The following ANK3 variants were observed in gnomAD, a reference collection of about 807,000 sequenced individuals.
ANK3 encodes ankyrin-3.
Under a neutral mutation model 370.9 loss-of-function variants are expected in ANK3, and 57 were observed. The observed-to-expected ratio is 0.15, with a 90% confidence interval of 0.12 to 0.19. The LOEUF (loss-of-function observed/expected upper bound fraction) is 0.19, where lower values mean the gene tolerates loss of function less well. Among genes scored for constraint, ANK3 ranks in the 10% least tolerant of loss-of-function variants. ANK3 has a pLI of 1.00. For missense variants in ANK3, 4,439 were observed against 5,302.1 expected (o/e 0.84, Z 5.06); for synonymous variants, 1,929 against 1,946.3 (o/e 0.99, Z 0.23).
At chr10:60,682,361 G>C (rs549618688) in intron 1 of ANK3, among the ~76,000 whole-genome samples, 130 of 150,282 alleles carry the variant, frequency 8.7e-4, no homozygotes, top group African/African-American at 2.9e-3. Flanking sequence ...CTTGATACCT[G>C]TTGATTTAAA....
At chr10:60,353,642 C>T (rs1328028896) in intron 1 of ANK3, among the ~76,000 whole-genome samples, 1 of 152,196 alleles carries the variant, frequency 6.6e-6, no homozygotes, top group African/African-American at 2.4e-5. Context: ...CAGAAGATAA[C>T]AGGCGCCATC....
At chr10:60,077,200 A>G (rs553881953) in intron 36 of ANK3, among the ~76,000 whole-genome samples, 2 of 152,346 alleles carry the variant, frequency 1.3e-5, no homozygotes, top group South Asian at 4.1e-4. Flanking sequence ...TTTAAACAAA[A>G]AAAACAAAGA....
intron 1 of ANK3, among the ~76,000 whole-genome samples, chr10:60,643,162 A>G (rs1211930706): frequency 1.3e-5 from 2 of 152,152 alleles, no homozygotes; most frequent in African/African-American, 2.4e-5. Flanking sequence ...TGAAGGATAC[A>G]AAGTATTGAT....
chr10:60,185,716 G>A (rs906784416), intron 17 of ANK3, among the ~76,000 whole-genome samples: 3 of 152,148 alleles, frequency 2.0e-5, no homozygotes, highest in African/African-American at 7.2e-5. Context: ...GCCCTTTTGT[G>A]TGGTTTCCTA....
At chr10:60,569,804 G>T (rs547572378) in intron 2 of ANK3, among the ~76,000 whole-genome samples, 1 of 152,082 alleles carries the variant, frequency 6.6e-6, no homozygotes, top group Non-Finnish European at 1.5e-5. Flanking sequence ...TATGGAAAAT[G>T]ATGTCACACT....
chr10:60,603,009 T>C (rs968862440), intron 2 of ANK3, among the ~76,000 whole-genome samples: 3 of 151,910 alleles, frequency 2.0e-5, no homozygotes, highest in Non-Finnish European at 4.4e-5. Context: ...AGAATGAGAG[T>C]TTAGTACATG....
At chr10:60,520,578 C>T (rs2076325658) in intron 2 of ANK3, among the ~76,000 whole-genome samples, 1 of 152,112 alleles carries the variant, frequency 6.6e-6, no homozygotes, top group South Asian at 2.1e-4. Context: ...GCTCAGTTTG[C>T]ACACAATTCC....
intron 1 of ANK3, among the ~76,000 whole-genome samples, chr10:60,711,048 C>T (rs2079697476): frequency 6.6e-6 from 1 of 152,124 alleles, no homozygotes; most frequent in Admixed American, 6.5e-5. Context: ...CAAACACATC[C>T]CAAAATAATG....
intron 1 of ANK3, among the ~76,000 whole-genome samples, chr10:60,728,247 T>C (rs749544079): frequency 9.9e-5 from 15 of 152,178 alleles, no homozygotes; most frequent in Non-Finnish European, 1.9e-4. Flanking sequence ...ACGGGAAATG[T>C]TTCCGTTCTT....
intron 1 of ANK3, among the ~76,000 whole-genome samples, chr10:60,657,055 G>A (rs759551682): frequency 1.3e-5 from 2 of 152,158 alleles, no homozygotes; most frequent in Non-Finnish European, 2.9e-5. Context: ...AGTTCCACAT[G>A]GCTGGGAAGG....
intron 23 of ANK3, among the ~76,000 whole-genome samples, chr10:60,159,936 T>A (rs1010759132): frequency 8.5e-5 from 13 of 152,090 alleles, no homozygotes; most frequent in African/African-American, 2.9e-4. Context: ...AAAAGAGCAG[T>A]TAATAGCAAT....
chr10:60,239,781 A>G (rs1456575471), intron 7 of ANK3, among the ~76,000 whole-genome samples: 1 of 152,100 alleles, frequency 6.6e-6, no homozygotes, highest in Admixed American at 6.5e-5. Flanking sequence ...AATATATGCA[A>G]AAGTAAAACG....
At chr10:60,197,900 T>A (rs989875511) in intron 14 of ANK3, among the ~76,000 whole-genome samples, 4 of 152,138 alleles carry the variant, frequency 2.6e-5, no homozygotes, top group African/African-American at 9.7e-5. Context: ...AAGACAATAA[T>A]GACACAAAAA....
intron 2 of ANK3, among the ~76,000 whole-genome samples, chr10:60,520,297 G>A (rs528759838): frequency 9.9e-5 from 15 of 152,170 alleles, no homozygotes; most frequent in Admixed American, 8.5e-4. Context: ...GGAAATCAAG[G>A]GTTGAGAAAC....
intron 1 of ANK3, among the ~76,000 whole-genome samples, chr10:60,719,887 G>A (rs946521390): frequency 1.3e-5 from 2 of 152,130 alleles, no homozygotes; most frequent in Non-Finnish European, 2.9e-5. Context: ...TTTGCTTTAT[G>A]CATGAGATCA....
At chr10:60,659,775 T>C (rs150202749) in intron 1 of ANK3, among the ~76,000 whole-genome samples, 1 of 152,072 alleles carries the variant, frequency 6.6e-6, no homozygotes, top group Non-Finnish European at 1.5e-5. Context: ...AAAAGACAAC[T>C]GGCTGCCTTC....
chr10:60,602,254 C>A (rs1252709548), intron 2 of ANK3, among the ~76,000 whole-genome samples: 1 of 152,146 alleles, frequency 6.6e-6, no homozygotes, highest in Non-Finnish European at 1.5e-5. Flanking sequence ...TGGTCACTTA[C>A]AGCCTCTTCA....
chr10:60,587,961 T>C (rs2133288658), intron 2 of ANK3, among the ~76,000 whole-genome samples: 1 of 152,096 alleles, frequency 6.6e-6, no homozygotes, highest in East Asian at 1.9e-4. Flanking sequence ...CTAAACCCAT[T>C]AGCTGAAAAT....
intron 1 of ANK3, among the ~76,000 whole-genome samples, chr10:60,721,153 C>T (rs1042992312): frequency 6.6e-6 from 1 of 152,156 alleles, no homozygotes; most frequent in African/African-American, 2.4e-5. Context: ...TGTGAAATGC[C>T]ATGACTGCAA....
Sources: gnomAD v4.1 joint callset for allele counts (sites outside exome capture counted in the v4.1 genomes callset) on GRCh38, gnomAD v4.1.1 for gene constraint, MANE v1.5 for transcripts, NCBI Gene and HGNC (gene_info 2026-07-23, HGNC 2026-07-21) for gene names.